SLIT2: variants seen among roughly 807,000 people sequenced by gnomAD.
SLIT2 encodes the protein slit guidance ligand 2, also known as slit homolog 2 protein.
Under a neutral mutation model 185.7 loss-of-function variants are expected in SLIT2, and 41 were observed. The observed-to-expected ratio is 0.22, with a 90% CI of 0.17 to 0.29. The LOEUF (loss-of-function observed/expected upper bound fraction) is 0.29. SLIT2 is among the 10% of genes least tolerant of loss of function. The pLI, the probability that SLIT2 is intolerant of heterozygous loss-of-function variation, is 1.00. For missense variants in SLIT2, 1,571 were observed against 1,909.0 expected, an observed-to-expected ratio of 0.82 and a Z score of 3.30; for synonymous variants, 693 against 680.2, an observed-to-expected ratio of 1.02 and a Z score of -0.29.
At chr4:20,532,082 T>TTC in intron 17 of SLIT2, 24 bp downstream of exon 17, 2 of 1,405,066 alleles carry the variant, frequency 1.4e-6, no homozygotes, top group Non-Finnish European at 1.9e-6. Context: ...TAGCTATTTT[T>TTC]TTTATTTCTG....
At chr4:20,555,322 G>A (rs1724154237) in intron 26 of SLIT2, among the ~76,000 whole-genome samples, 2 of 152,088 alleles carry the variant, frequency 1.3e-5, no homozygotes, top group South Asian at 4.1e-4. Flanking sequence ...AGGTAATGCT[G>A]TGCGGTGGGT....
chr4:20,511,208 G>T, intron 11 of SLIT2, 71 bp downstream of exon 11: 3 of 854,018 alleles, frequency 3.5e-6, no homozygotes, highest in Non-Finnish European at 3.8e-6. Context: ...TTTAAATTGG[G>T]GTTTAAAAAA....
chr4:20,567,738 A>G, intron 28 of SLIT2, 123 bp downstream of exon 28: 1 of 730,048 alleles, frequency 1.4e-6, no homozygotes. Context: ...AGAAATGGCA[A>G]TATGTATTGG....
intron 24 of SLIT2, 40 bp from the exon 25 acceptor site, chr4:20,550,787 G>A (rs1268034069): frequency 7.6e-7 from 1 of 1,311,310 alleles, no homozygotes; most frequent in South Asian, 1.2e-5. Flanking sequence ...TATGAGTTCA[G>A]AAATATAGGA....
At chr4:20,602,758 C>T in intron 33 of SLIT2, among the ~76,000 whole-genome samples, 1 of 152,162 alleles carries the variant, frequency 6.6e-6, no homozygotes, top group East Asian at 1.9e-4. Context: ...CCAAGTTCTA[C>T]AACATCATGC....
intron 4 of SLIT2, among the ~76,000 whole-genome samples, chr4:20,298,920 T>C (rs1364401457): frequency 1.3e-5 from 2 of 152,190 alleles, no homozygotes; most frequent in Admixed American, 6.5e-5. Context: ...AGCTCTTTGT[T>C]TGGAAATTGG....
chr4:20,328,021 A>G (rs929644368), intron 4 of SLIT2, among the ~76,000 whole-genome samples: 1 of 152,056 alleles, frequency 6.6e-6, no homozygotes, highest in Non-Finnish European at 1.5e-5. Flanking sequence ...GGGAGAGTCA[A>G]CAGGACTCCT....
intron 4 of SLIT2, among the ~76,000 whole-genome samples, chr4:20,411,237 A>C (rs1160602170): frequency 6.6e-6 from 1 of 152,168 alleles, no homozygotes; most frequent in African/African-American, 2.4e-5. Flanking sequence ...CAGCTTGTCG[A>C]GGCACCACAT....
intron 4 of SLIT2, among the ~76,000 whole-genome samples, chr4:20,360,306 GTC>G (rs1236342307): frequency 3.9e-5 from 6 of 152,140 alleles, no homozygotes; most frequent in Non-Finnish European, 7.4e-5. Context: ...AGTTTTAGAA[GTC>G]TCTGAAAGTG....
chr4:20,526,891 G>A (rs1721344577), intron 15 of SLIT2, among the ~76,000 whole-genome samples: 1 of 152,112 alleles, frequency 6.6e-6, no homozygotes, highest in African/African-American at 2.4e-5. Flanking sequence ...TCCGTTGAAT[G>A]CAGATTATTT....
chr4:20,366,329 T>C (rs950837825), intron 4 of SLIT2, among the ~76,000 whole-genome samples: 1 of 152,214 alleles, frequency 6.6e-6, no homozygotes, highest in Admixed American at 6.5e-5. Context: ...CTTCTCATTA[T>C]GCCAGAGTCA....
rs528457533 is a variant in SLIT2 at position 20,580,120 on chromosome 4, G to A, written c.3089-9524G>A. Among the ~76,000 whole-genome samples, 6 of 147,752 alleles carry A rather than the reference G, an allele frequency of 4.1e-5. No individual in the cohort carries two copies. In the South Asian group the frequency reaches 1.3e-3, roughly 31 times the overall value. Reference sequence around the variant, plus strand: ...GTCTGGCCTAGGCTGGAGTGCAGTGGCATGATCTCAGCTCACTGCAACCTC... The same window carrying A: ...GTCTGGCCTAGGCTGGAGTGCAGTGACATGATCTCAGCTCACTGCAACCTC... On this transcript the variant is annotated intron_variant, in intron 29 of 36. Transcript: ENST00000504154.
intron 34 of SLIT2, 21 bp from the exon 35 acceptor site, chr4:20,616,889 T>C: frequency 6.4e-7 from 1 of 1,572,918 alleles, no homozygotes; most frequent in Admixed American, 1.7e-5. Context: ...GCCTGACCTC[T>C]GACCTGGTGT....
At chr4:20,591,201 C>A (rs1727489138) in intron 30 of SLIT2, among the ~76,000 whole-genome samples, 1 of 152,026 alleles carries the variant, frequency 6.6e-6, no homozygotes. Flanking sequence ...AGCTCAATTG[C>A]CATAGAATTC....
intron 4 of SLIT2, among the ~76,000 whole-genome samples, chr4:20,319,344 A>G (rs1472665895): frequency 6.6e-6 from 1 of 152,182 alleles, no homozygotes. Context: ...AAGTATAAAG[A>G]CTTTTAAAGA....
chr4:20,315,246 AT>A (rs1369567493), intron 4 of SLIT2, among the ~76,000 whole-genome samples: 1 of 152,142 alleles, frequency 6.6e-6, no homozygotes, highest in Non-Finnish European at 1.5e-5. Context: ...AGAAGGCATA[AT>A]GTTTTCATCC....
chr4:20,539,495 C>T lies in SLIT2; in HGVS notation c.1887C>T (p.Leu629=). 1 of 1,613,574 alleles carries T rather than the reference C, an allele frequency of 6.2e-7. No homozygotes were observed. The highest frequency in any genetic ancestry group is 8.5e-7 in the Non-Finnish European group (1 of 1,179,648). ...TCVGNDSFIG[L]SSVRLLSLYD... ...TGGGGAATGACAGTTTCATAGGACT[C>T]AGTTCTGTGCGTTTGCTTTCTTTGT... Residue 629 remains leucine, a synonymous_variant, in exon 19 of 37, where the codon CTC becomes CTT. Transcript: ENST00000504154.
intron 4 of SLIT2, among the ~76,000 whole-genome samples, chr4:20,295,824 T>C (rs1440290527): frequency 6.8e-6 from 1 of 147,622 alleles, no homozygotes; most frequent in East Asian, 2.3e-4. Context: ...TTCATTTCTC[T>C]TGAGTACTAG....
rs184256277 is a variant in SLIT2 at position 20,419,022 on chromosome 4, A to G, written c.396-48730A>G. 9.5e-4 allele frequency among the ~76,000 whole-genome samples: 145 copies of G among 152,228 alleles called. 2 individuals are homozygous for G. Among genetic ancestry groups the G allele is most frequent in the African/African-American group, 3.4e-3 (140 of 41,536 alleles). ...CCCTTAAATGCATACCATTTTCTCT[A>G]TTTTCATAGTTTACCAGTTTCCCAG... On this transcript the variant is annotated intron_variant, in intron 4 of 36. Coordinates refer to ENST00000504154, the MANE Select transcript of SLIT2 (RefSeq NM_004787.4).
Sources: allele counts gnomAD v4.1 joint callset (sites outside exome capture counted in the v4.1 genomes callset), GRCh38; gene constraint gnomAD v4.1.1; transcripts MANE v1.5; gene names NCBI Gene and HGNC (gene_info 2026-07-23, HGNC 2026-07-21).